CBLB: variants seen among roughly 807,000 people sequenced by gnomAD.
CBLB encodes the protein Cbl proto-oncogene B.
Under a neutral mutation model 104.9 loss-of-function variants are expected in CBLB, and 31 were observed. The ratio of observed to expected loss-of-function variants is 0.30; its 90% CI spans 0.22 to 0.40. CBLB has a LOEUF of 0.40. CBLB is among the 10% of genes least tolerant of loss of function. CBLB has a pLI of 1.00. For missense variants in CBLB, 1,062 were observed against 1,214.6 expected (o/e 0.87, Z 1.87); for synonymous variants, 440 against 422.6 (o/e 1.04, Z -0.51).
At chr3:105,675,467 G>A (rs1180089306) in intron 17 of CBLB, among the ~76,000 whole-genome samples, 1 of 152,004 alleles carries the variant, frequency 6.6e-6, no homozygotes, top group Non-Finnish European at 1.5e-5. Flanking sequence ...TCATTTATCA[G>A]CCAAAAAAAT....
In CBLB at chr3:105,779,088, G is replaced by A. The variant is rs138845259; in HGVS notation, c.420-2546C>T. On this transcript the variant is annotated intron_variant, in intron 3 of 18. Transcript: ENST00000394030. ...TGGCTATAATTAGGGTAAACCAACTGTTCTTTATTTTCTGAATTGGCTGCA... is the reference window on the plus strand; with the variant it reads ...TGGCTATAATTAGGGTAAACCAACTATTCTTTATTTTCTGAATTGGCTGCA... 2.1e-3 allele frequency among the ~76,000 whole-genome samples: 323 copies of A among 152,200 alleles called. 1 individual carries two copies. The highest frequency in any genetic ancestry group is 7.0e-3 in the African/African-American group (290 of 41,536).
intron 6 of CBLB, among the ~76,000 whole-genome samples, chr3:105,742,068 T>C (rs537966491): frequency 3.9e-5 from 6 of 152,382 alleles, no homozygotes; most frequent in Non-Finnish European, 7.3e-5. Flanking sequence ...TAGCTATCTA[T>C]GTACTTATTT....
chr3:105,734,700 T>G (rs923474524), intron 8 of CBLB, among the ~76,000 whole-genome samples: 3 of 152,240 alleles, frequency 2.0e-5, no homozygotes, highest in Non-Finnish European at 4.4e-5. Flanking sequence ...GAAGATATAT[T>G]GAACTTAACA....
At chr3:105,868,167 A>G (rs1706408471) in intron 1 of CBLB, 2 of 1,216,298 alleles carry the variant, frequency 1.6e-6, no homozygotes, top group Non-Finnish European at 2.1e-6. Context: ...ACACACGAAC[A>G]CCTTTCTTTA....
chr3:105,661,833 C>G (rs932604040), intron 18 of CBLB, among the ~76,000 whole-genome samples: 1 of 152,122 alleles, frequency 6.6e-6, no homozygotes, highest in Admixed American at 6.5e-5. Flanking sequence ...TCCCTTTCAA[C>G]CAGGTAGTAT....
intron 18 of CBLB, 111 bp downstream of exon 18, chr3:105,670,122 C>A (rs2064908257): frequency 6.2e-6 from 6 of 969,896 alleles, no homozygotes; most frequent in Non-Finnish European, 9.6e-6. Context: ...AAAATACTTT[C>A]TTGGGTGGAC....
intron 4 of CBLB, among the ~76,000 whole-genome samples, chr3:105,774,670 T>C (rs1223037959): frequency 6.6e-6 from 1 of 152,176 alleles, no homozygotes; most frequent in Non-Finnish European, 1.5e-5. Context: ...TTGATGTCTG[T>C]GGTTATAAAT....
chr3:105,752,827 T>A (rs2076711331), intron 4 of CBLB, among the ~76,000 whole-genome samples: 1 of 152,198 alleles, frequency 6.6e-6, no homozygotes, highest in Admixed American at 6.5e-5. Context: ...TATGATTCAG[T>A]AGCATTGGGG....
chr3:105,732,743 C>T (rs2074449254), intron 9 of CBLB, among the ~76,000 whole-genome samples: 3 of 152,108 alleles, frequency 2.0e-5, no homozygotes, highest in Admixed American at 2.0e-4. Context: ...CTGAGTCTGT[C>T]AGCCCCCTTC....
At chr3:105,740,976 T>C (rs2075467061) in intron 6 of CBLB, among the ~76,000 whole-genome samples, 1 of 151,546 alleles carries the variant, frequency 6.6e-6, no homozygotes, top group South Asian at 2.1e-4. Context: ...TCTTGGAATG[T>C]AAAAATAAAA....
At chr3:105,814,447 T>C (rs922639417) in intron 3 of CBLB, among the ~76,000 whole-genome samples, 1 of 152,166 alleles carries the variant, frequency 6.6e-6, no homozygotes, top group African/African-American at 2.4e-5. Flanking sequence ...ACTTTGATGC[T>C]ACAAAACTAA....
intron 3 of CBLB, among the ~76,000 whole-genome samples, chr3:105,790,473 T>C (rs1243947536): frequency 6.6e-6 from 1 of 152,232 alleles, no homozygotes; most frequent in East Asian, 1.9e-4. Flanking sequence ...TGGAGTTCCA[T>C]CGACTTTAAT....
At chr3:105,840,583 C>T (rs192702653) in intron 3 of CBLB, among the ~76,000 whole-genome samples, 1 of 152,194 alleles carries the variant, frequency 6.6e-6, no homozygotes, top group African/African-American at 2.4e-5. Flanking sequence ...CTCAGACATG[C>T]CAACTGGTAA....
intron 6 of CBLB, among the ~76,000 whole-genome samples, chr3:105,744,714 G>A (rs1236010045): frequency 2.0e-5 from 3 of 151,790 alleles, no homozygotes; most frequent in Non-Finnish European, 4.4e-5. Flanking sequence ...GGCAGATCAC[G>A]AGGTCAGGAG....
At chr3:105,747,037 C>G (rs1049432817) in intron 5 of CBLB, among the ~76,000 whole-genome samples, 3 of 152,264 alleles carry the variant, frequency 2.0e-5, no homozygotes, top group South Asian at 4.1e-4. Flanking sequence ...AAACTTTTCA[C>G]AGAAGTATTT....
At position 105,855,751 on chromosome 3, in the gene CBLB, A is replaced by C. The variant is rs370520000; in HGVS notation, c.169-2087T>G. On this transcript the variant is annotated intron_variant, in intron 2 of 18. Transcript: ENST00000394030. The stretch of plus-strand genomic sequence containing the variant: ...AAAAACTAGTCTAGATTATTTCTCT[A>C]ATCACTTGTAGATATACCGGCTTTT... Among the ~76,000 whole-genome samples the C allele has an allele frequency of 2.0e-5, 3 of 152,308 alleles. No individual in the cohort carries two copies. In the East Asian group the frequency reaches 5.8e-4, roughly 29 times the overall value.
chr3:105,659,883 C>G (rs1053252802), intron 18 of CBLB, among the ~76,000 whole-genome samples: 1 of 151,800 alleles, frequency 6.6e-6, no homozygotes, highest in Non-Finnish European at 1.5e-5. Context: ...CGGAAGGAAA[C>G]TCAGTGCTTT....
chr3:105,663,012 C>G (rs1202723612), intron 18 of CBLB, among the ~76,000 whole-genome samples: 3 of 152,136 alleles, frequency 2.0e-5, no homozygotes, highest in Non-Finnish European at 2.9e-5. Flanking sequence ...GAGACCGTCA[C>G]TACGAGAGTT....
At chr3:105,722,198 C>CAAAAAAAAAAAAAAAAAAAAAAAAAAA in intron 9 of CBLB, among the ~76,000 whole-genome samples, 1 of 84,420 alleles carries the variant, frequency 1.2e-5, no homozygotes, top group Non-Finnish European at 2.2e-5. Context: ...GACCCCGTGC[C>CAAAAAAAAAAAAAAAAAAAAAAAAAAA]AAAAAAAAAA....
Sources: gnomAD v4.1 joint callset for allele counts (sites outside exome capture counted in the v4.1 genomes callset) on GRCh38, gnomAD v4.1.1 for gene constraint, MANE v1.5 for transcripts, NCBI Gene and HGNC (gene_info 2026-07-23, HGNC 2026-07-21) for gene names.